Variants in MACROD2 observed in about 807,000 individuals in gnomAD.
MACROD2 encodes the protein ADP-ribose glycohydrolase MACROD2.
A neutral mutation model predicts 70.4 loss-of-function variants in MACROD2; 36 were observed. The ratio of observed to expected loss-of-function variants is 0.51; its 90% CI spans 0.39 to 0.68. The LOEUF is 0.68. Among genes scored for constraint, MACROD2 ranks in the 30% least tolerant of loss-of-function variants. The pLI, the probability that MACROD2 is intolerant of heterozygous loss-of-function variation, is 0.00. For synonymous variants in MACROD2, 172 were observed against 178.8 expected, an observed-to-expected ratio of 0.96 and a Z score of 0.30; for missense variants, 496 against 538.4, an observed-to-expected ratio of 0.92 and a Z score of 0.78.
At chr20:14,509,203 T>A (rs36023726) in intron 4 of MACROD2, among the ~76,000 whole-genome samples, 23,121 of 152,032 alleles carry the variant, frequency 0.15, 2,511 homozygotes, top group Non-Finnish European at 0.22. Flanking sequence ...TTTGTAACCA[T>A]TTTTTTCTTT....
At chr20:14,337,360 A>C in intron 3 of MACROD2, 1 of 333,742 alleles carries the variant, frequency 3.0e-6, no homozygotes, top group Non-Finnish European at 5.4e-6. Flanking sequence ...AAACCAAGCA[A>C]ACTTTCTGGG....
At chr20:14,054,520 G>A (rs534197126) in intron 2 of MACROD2, among the ~76,000 whole-genome samples, 4 of 152,064 alleles carry the variant, frequency 2.6e-5, no homozygotes, top group Non-Finnish European at 1.5e-5. Flanking sequence ...TTAAAGAAAA[G>A]ATGTGATAGA....
At chr20:14,585,482 G>A (rs1981314546) in intron 4 of MACROD2, among the ~76,000 whole-genome samples, 1 of 152,004 alleles carries the variant, frequency 6.6e-6, no homozygotes, top group Admixed American at 6.6e-5. Flanking sequence ...GCAATGACTT[G>A]TTTTAGATAT....
chr20:15,079,830 C>T (rs1027953693), intron 5 of MACROD2, among the ~76,000 whole-genome samples: 1 of 152,078 alleles, frequency 6.6e-6, no homozygotes, highest in Non-Finnish European at 1.5e-5. Flanking sequence ...TTCACATTCC[C>T]TCAGTTAAGC....
chr20:14,233,698 C>CAAAAAAAAAAAAA (rs1261096475), intron 3 of MACROD2, among the ~76,000 whole-genome samples: 1 of 27,458 alleles, frequency 3.6e-5, no homozygotes, highest in Admixed American at 4.1e-4. Flanking sequence ...CTCCGTCTCA[C>CAAAAAAAAAAAAA]AAAAAAAAAA....
chr20:15,233,344 G>C (rs1420838463), intron 6 of MACROD2, among the ~76,000 whole-genome samples: 1 of 152,022 alleles, frequency 6.6e-6, no homozygotes, highest in Non-Finnish European at 1.5e-5. Context: ...CCTTAGCCTG[G>C]GGGAGGAGAA....
chr20:14,940,107 C>T (rs1316011973), intron 5 of MACROD2, among the ~76,000 whole-genome samples: 1 of 127,512 alleles, frequency 7.8e-6, no homozygotes, highest in African/African-American at 2.9e-5. Context: ...TTTTTCTTTC[C>T]AGTTTGGAGC....
At chr20:15,543,231 T>C (rs2047981420) in intron 8 of MACROD2, among the ~76,000 whole-genome samples, 1 of 152,220 alleles carries the variant, frequency 6.6e-6, no homozygotes, top group African/African-American at 2.4e-5. Flanking sequence ...ATGTATCAGT[T>C]GTGTGTCCCT....
At chr20:15,358,077 G>A (rs2078309769) in intron 6 of MACROD2, among the ~76,000 whole-genome samples, 1 of 152,004 alleles carries the variant, frequency 6.6e-6, no homozygotes, top group African/African-American at 2.4e-5. Context: ...CAAAGTGCTG[G>A]GATTACAGGG....
Position 14,952,895 on chromosome 20 carries a change from G to T in MACROD2, c.418+267936G>T, listed in dbSNP as rs192744716. On this transcript the variant is annotated intron_variant, in intron 5 of 17. Coordinates refer to ENST00000684519, the MANE Select transcript of MACROD2 (RefSeq NM_001351661.2). ...GTATACTCATTGCATATTTCTTTAA[G>T]ACAGGGAAAAGGAAACAGTTCTGTT... Among the ~76,000 whole-genome samples, 19 of 152,092 alleles carry T rather than the reference G, an allele frequency of 1.2e-4. 1 individual carries two copies. In the East Asian group the frequency reaches 3.7e-3, roughly 29 times the overall value.
intron 5 of MACROD2, among the ~76,000 whole-genome samples, chr20:15,046,734 A>G (rs780536234): frequency 6.6e-6 from 1 of 151,902 alleles, no homozygotes; most frequent in Non-Finnish European, 1.5e-5. Flanking sequence ...CAGTCCCCTC[A>G]CTTCTGGACT....
rs891965767 is a variant in MACROD2 at position 14,590,071 on chromosome 20, A to T, written c.302-94772A>T. ...TTTTTCTCTCTCTAGCTCTAAAAAGAATTATATTTTTAATATTTAATAATC... is the reference window on the plus strand; with the variant it reads ...TTTTTCTCTCTCTAGCTCTAAAAAGTATTATATTTTTAATATTTAATAATC... On this transcript the variant is annotated intron_variant, in intron 4 of 17. Transcript: ENST00000684519. 3.9e-5 allele frequency among the ~76,000 whole-genome samples: 6 copies of T among 152,124 alleles called. No homozygotes were observed. In the East Asian group the frequency reaches 1.2e-3, roughly 29 times the overall value.
intron 8 of MACROD2, among the ~76,000 whole-genome samples, chr20:15,545,547 A>G (rs1186242029): frequency 6.6e-6 from 1 of 152,172 alleles, no homozygotes; most frequent in Non-Finnish European, 1.5e-5. Flanking sequence ...TCAGAATCAT[A>G]GGGTCACCTT....
At chr20:15,714,656 A>G (rs78088985) in intron 8 of MACROD2, among the ~76,000 whole-genome samples, 6,765 of 152,306 alleles carry the variant, frequency 0.044, 208 homozygotes, top group Middle Eastern at 0.075. Flanking sequence ...ACACATCAAT[A>G]AAATGCCTAC....
At chr20:14,346,602 A>G (rs2122680405) in intron 3 of MACROD2, among the ~76,000 whole-genome samples, 1 of 152,332 alleles carries the variant, frequency 6.6e-6, no homozygotes, top group Non-Finnish European at 1.5e-5. Flanking sequence ...ACTTACTAGC[A>G]TTCTCTTTGT....
At chr20:14,353,979 G>C (rs538886031) in intron 3 of MACROD2, among the ~76,000 whole-genome samples, 9 of 152,050 alleles carry the variant, frequency 5.9e-5, no homozygotes, top group Non-Finnish European at 1.2e-4. Flanking sequence ...GTGTCAAGTC[G>C]GCAATCTGCA....
chr20:14,629,641 T>A (rs1211096953), intron 4 of MACROD2, among the ~76,000 whole-genome samples: 1 of 152,156 alleles, frequency 6.6e-6, no homozygotes, highest in African/African-American at 2.4e-5. Flanking sequence ...GAGTGACTGA[T>A]TCCATCTTTT....
chr20:15,509,994 C>T (rs926056281), intron 8 of MACROD2, among the ~76,000 whole-genome samples: 1 of 152,216 alleles, frequency 6.6e-6, no homozygotes, highest in African/African-American at 2.4e-5. Context: ...CATGTGCTGT[C>T]TGTATGCCTT....
intron 5 of MACROD2, among the ~76,000 whole-genome samples, chr20:15,051,545 A>G (rs1362294934): frequency 1.3e-5 from 2 of 152,094 alleles, no homozygotes; most frequent in African/African-American, 2.4e-5. Flanking sequence ...GGAAAACCTC[A>G]GTTTTGCTCT....
Sources: gnomAD v4.1 joint callset for allele counts (sites outside exome capture counted in the v4.1 genomes callset) on GRCh38, gnomAD v4.1.1 for gene constraint, MANE v1.5 for transcripts, NCBI Gene and HGNC (gene_info 2026-07-23, HGNC 2026-07-21) for gene names.